Variants in PCDHGA12 observed in about 807,000 individuals in gnomAD.
PCDHGA12 encodes the protein protocadherin gamma subfamily A, 12, also known as protocadherin gamma-A12.
A neutral mutation model predicts 61.1 loss-of-function variants in PCDHGA12; 43 were observed. The ratio of observed to expected loss-of-function variants is 0.70; its 90% CI spans 0.55 to 0.91. The LOEUF (loss-of-function observed/expected upper bound fraction) is 0.91. PCDHGA12 is among the 40% of genes least tolerant of loss of function. The pLI is 0.00. For synonymous variants in PCDHGA12, 520 were observed against 542.9 expected (o/e 0.96, Z 0.59); for missense variants, 1,236 against 1,227.7 (o/e 1.01, Z -0.10).
Position 141,490,731 on chromosome 5 carries a change from G to A in PCDHGA12, c.2425-4076G>A, listed in dbSNP as rs139283997. The A allele has an allele frequency of 6.8e-6, 11 of 1,614,080 alleles. No homozygotes were observed. In the African/African-American group the frequency reaches 1.1e-4, roughly 16 times the overall value. Reference sequence around the variant, plus strand: ...TCACCTACTCCATTGTAGGAAATCAGGTTCAGGGAGCCCCAGCCTCCTCCT... The same window carrying A: ...TCACCTACTCCATTGTAGGAAATCAAGTTCAGGGAGCCCCAGCCTCCTCCT... On this transcript the variant is annotated intron_variant, in intron 1 of 3. Transcript: ENST00000252085. The surrounding 1 kb of genome is among the most constrained non-coding windows in gnomAD (Gnocchi z 5.4).
At chr5:141,442,737 G>A (rs1376026431) in intron 1 of PCDHGA12, among the ~76,000 whole-genome samples, 1 of 152,152 alleles carries the variant, frequency 6.6e-6, no homozygotes, top group Non-Finnish European at 1.5e-5. Flanking sequence ...CTGTAGGTAA[G>A]GAGCATGTTT....
In PCDHGA12 at chr5:141,511,925, G is replaced by C. The variant is rs2099884008; in HGVS notation, c.*752G>C. 1 of 155,320 alleles carries C rather than the reference G, an allele frequency of 6.4e-6. No homozygotes were observed. Among genetic ancestry groups the C allele is most frequent in the Admixed American group, 6.3e-5 (1 of 15,924 alleles). 9.6% of individuals were successfully genotyped at this position (155,320 alleles called of 1,614,324 possible). A position where few individuals can be genotyped will look rare whatever the true frequency, so the allele number is the denominator to read the frequency against. ...CCTCAAACAAGAGACTCCACTGCAT[G>C]TTCCAAGACAGTATGGGGTGGTAAG... On this transcript the variant is annotated 3_prime_UTR_variant, in exon 4 of 4. Coordinates refer to ENST00000252085, the MANE Select transcript of PCDHGA12 (RefSeq NM_003735.3).
Position 141,431,669 on chromosome 5 carries a change from A to G in PCDHGA12, c.910A>G (p.Ile304Val), listed in dbSNP as rs2154554523. ...TTGTAATTCAGGGACAATATCAACA[A>G]TAGGGGAGTTGGACCACGAGGAGTC... ...LDCNSGTIST[I>V]GELDHEESGF... Residue 304 changes from isoleucine to valine, a missense_variant, in exon 1 of 4, where the codon ATA becomes GTA. Transcript: ENST00000252085. The surrounding 1 kb of genome is among the most constrained non-coding windows in gnomAD (Gnocchi z 4.8). 2 of 1,614,210 alleles carry G rather than the reference A, an allele frequency of 1.2e-6. No individual in the cohort carries two copies. Among genetic ancestry groups the G allele is most frequent in the South Asian group, 1.1e-5 (1 of 91,084 alleles).
intron 1 of PCDHGA12, among the ~76,000 whole-genome samples, chr5:141,484,730 G>T (rs1231473842): frequency 6.6e-6 from 1 of 151,728 alleles, no homozygotes; most frequent in Non-Finnish European, 1.5e-5. Context: ...GGGGTCAGTC[G>T]GTGTGTTAGG....
chr5:141,485,525 C>A lies in PCDHGA12; in HGVS notation c.2425-9282C>A. On this transcript the variant is annotated intron_variant, in intron 1 of 3. Transcript: ENST00000252085. This position sits in a 1 kb window ranked among gnomAD's most constrained non-coding sequence, Gnocchi z 5.7. ...CACCGAAGGTCCTTTGGAAATGTAC[C>A]GAGCAGAGGTAGAGATCGTAGATGT... The A allele has an allele frequency of 5.6e-6, 9 of 1,614,122 alleles. No individual in the cohort carries two copies. Among genetic ancestry groups the A allele is most frequent in the Non-Finnish European group, 7.6e-6 (9 of 1,180,022 alleles).
chr5:141,457,902 G>A (rs1219261409), intron 1 of PCDHGA12, among the ~76,000 whole-genome samples: 1 of 150,854 alleles, frequency 6.6e-6, no homozygotes, highest in Non-Finnish European at 1.5e-5. Flanking sequence ...GTGTAGACAA[G>A]GTGTGAGGCC....
At chr5:141,464,120 C>G (rs1297254980) in intron 1 of PCDHGA12, among the ~76,000 whole-genome samples, 1 of 151,976 alleles carries the variant, frequency 6.6e-6, no homozygotes, top group African/African-American at 2.4e-5. Flanking sequence ...CAAAAATTAG[C>G]TGGGTGTGGT....
At chr5:141,507,786 G>A (rs536470814) in intron 3 of PCDHGA12, among the ~76,000 whole-genome samples, 3 of 152,292 alleles carry the variant, frequency 2.0e-5, no homozygotes, top group East Asian at 1.9e-4. Context: ...CCTGACCCTC[G>A]TCTAAGCCTG....
At chr5:141,502,951 C>G (rs1444086718) in intron 2 of PCDHGA12, among the ~76,000 whole-genome samples, 1 of 147,768 alleles carries the variant, frequency 6.8e-6, no homozygotes, top group African/African-American at 2.6e-5. Context: ...TCAAGCGATT[C>G]TCCTGCCTCA....
intron 1 of PCDHGA12, among the ~76,000 whole-genome samples, chr5:141,435,105 G>C (rs1046201852): frequency 2.6e-5 from 4 of 151,940 alleles, no homozygotes; most frequent in African/African-American, 9.7e-5. Flanking sequence ...TATCTAGGGG[G>C]GAGAAATCTA....
intron 1 of PCDHGA12, chr5:141,440,542 C>T (rs1448576873): frequency 6.6e-6 from 1 of 152,206 alleles, no homozygotes; most frequent in Non-Finnish European, 1.5e-5. Context: ...CACGGTTCAG[C>T]AGGAATGTTA....
At position 141,432,299 on chromosome 5, in the gene PCDHGA12, C is replaced by G; in HGVS notation, c.1540C>G (p.Leu514Val). The part of the protein sequence containing the change: ...YVSINSDTGV[L>V]YALSSFDYEQ... ...GTCCATCAACTCCGACACTGGGGTA[C>G]TGTATGCGCTGAGCTCCTTCGACTA... is the stretch of plus-strand genomic sequence containing the variant. Residue 514 changes from leucine (L) to valine (V), a missense_variant, in exon 1 of 4, where the codon CTG (leucine) becomes GTG (valine). Transcript: ENST00000252085. This position sits in a 1 kb window ranked among gnomAD's most constrained non-coding sequence, Gnocchi z 6.0. The G allele has an allele frequency of 2.5e-6, 4 of 1,614,278 alleles. No homozygotes were observed. The highest frequency in any genetic ancestry group is 3.4e-6 in the Non-Finnish European group (4 of 1,180,056).
In PCDHGA12 at chr5:141,491,771, G is replaced by C. The variant is rs760915700; in HGVS notation, c.2425-3036G>C. ...GGAGAAGCCGCCCGTCCTCATAAGG[G>C]ATTGAACTTGCATCCACTCCTCTCC... On this transcript the variant is annotated intron_variant, in intron 1 of 3. Coordinates refer to ENST00000252085, the MANE Select transcript of PCDHGA12 (RefSeq NM_003735.3). The surrounding 1 kb of genome is among the most constrained non-coding windows in gnomAD (Gnocchi z 6.9). 6.4e-7 allele frequency: 1 copy of C among 1,558,290 alleles called. No individual in the cohort carries two copies. Among genetic ancestry groups the C allele is most frequent in the Non-Finnish European group, 8.7e-7 (1 of 1,153,586 alleles).
Position 141,490,536 on chromosome 5 carries a change from T to C in PCDHGA12, c.2425-4271T>C. ...TGCTGGCCAGCGATGCTGGTTCACCTTCCCTACACAAACATCTCACCATCA... is the reference window on the plus strand; with the variant it reads ...TGCTGGCCAGCGATGCTGGTTCACCCTCCCTACACAAACATCTCACCATCA... On this transcript the variant is annotated intron_variant, in intron 1 of 3. Transcript: ENST00000252085. The surrounding 1 kb of genome is among the most constrained non-coding windows in gnomAD (Gnocchi z 5.4). The C allele has an allele frequency of 1.9e-6, 3 of 1,614,150 alleles. No individual in the cohort carries two copies. The highest frequency in any genetic ancestry group is 2.5e-6 in the Non-Finnish European group (3 of 1,180,010).
intron 1 of PCDHGA12, among the ~76,000 whole-genome samples, chr5:141,488,351 C>G (rs1467834410): frequency 6.6e-6 from 1 of 152,132 alleles, no homozygotes; most frequent in African/African-American, 2.4e-5. Context: ...AAACAGCCAC[C>G]CTGTGCATCT....
rs558074504 is a variant in PCDHGA12 at position 141,489,065 on chromosome 5, C to A, written c.2425-5742C>A. ...CCACTCAAATTCAGCTCCCCTCCCCCCTGCCCACCCCCGCCACTCGGTGAC... is the reference window on the plus strand; with the variant it reads ...CCACTCAAATTCAGCTCCCCTCCCCACTGCCCACCCCCGCCACTCGGTGAC... On this transcript the variant is annotated intron_variant, in intron 1 of 3. Transcript: ENST00000252085. The surrounding 1 kb of genome is among the most constrained non-coding windows in gnomAD (Gnocchi z 4.5). 1,377 of 389,040 alleles carry A rather than the reference C, an allele frequency of 3.5e-3. 31 individuals carry two copies. Among genetic ancestry groups the A allele is most frequent in the Admixed American group, 9.8e-3 (226 of 22,946 alleles). 24.1% of individuals were successfully genotyped at this position (389,040 alleles called of 1,614,324 possible).
At chr5:141,444,152 A>ATTTTTTTTTTTTTTTTT (rs747671382) in intron 1 of PCDHGA12, among the ~76,000 whole-genome samples, 1 of 33,898 alleles carries the variant, frequency 3.0e-5, no homozygotes, top group African/African-American at 1.4e-4. Context: ...TGTGTACTGG[A>ATTTTTTTTTTTTTTTTT]TTTTTTTTTT....
At chr5:141,449,726 TTTTTTATGACATGATTA>T (rs2098653732) in intron 1 of PCDHGA12, among the ~76,000 whole-genome samples, 1 of 151,792 alleles carries the variant, frequency 6.6e-6, no homozygotes, top group Admixed American at 6.6e-5. Flanking sequence ...ATGATATGAT[TTTTTTATGACATGATTA>T]TTTTTATGAC....
intron 1 of PCDHGA12, among the ~76,000 whole-genome samples, chr5:141,437,556 T>C (rs1427506223): frequency 6.6e-6 from 1 of 152,228 alleles, no homozygotes; most frequent in African/African-American, 2.4e-5. Context: ...CTTTATGACA[T>C]GTAACAGAGT....
Sources: allele counts gnomAD v4.1 joint callset (sites outside exome capture counted in the v4.1 genomes callset), GRCh38; gene constraint gnomAD v4.1.1; non-coding constraint Gnocchi (gnomAD v3.1); transcripts MANE v1.5; gene names NCBI Gene and HGNC (gene_info 2026-07-23, HGNC 2026-07-21).